The following CNTNAP3B variants were observed in gnomAD, a reference collection of about 807,000 sequenced individuals.
CNTNAP3B encodes contactin-associated protein-like 3B.
Under a neutral mutation model 108.9 loss-of-function variants are expected in CNTNAP3B, and 25 were observed. The observed-to-expected ratio is 0.23, with a 90% CI of 0.17 to 0.32. The LOEUF (loss-of-function observed/expected upper bound fraction) is 0.32, where lower values mean the gene tolerates loss of function less well. CNTNAP3B is among the 10% of genes least tolerant of loss of function. The pLI, the probability that CNTNAP3B is intolerant of heterozygous loss-of-function variation, is 1.00. For missense variants in CNTNAP3B, 252 were observed against 1,210.4 expected, an observed-to-expected ratio of 0.21 and a Z score of 11.75; for synonymous variants, 103 against 473.4, an observed-to-expected ratio of 0.22 and a Z score of 10.16.
intron 18 of CNTNAP3B, among the ~76,000 whole-genome samples, chr9:41,919,157 C>A (rs1201730849): frequency 2.6e-5 from 4 of 151,976 alleles, no homozygotes; most frequent in African/African-American, 9.7e-5. Flanking sequence ...TTCCCCAAGA[C>A]GGAGTCTCAC....
intron 13 of CNTNAP3B, among the ~76,000 whole-genome samples, chr9:41,940,196 G>A (rs1278383213): frequency 1.3e-5 from 2 of 152,286 alleles, no homozygotes; most frequent in Admixed American, 6.5e-5. Context: ...AAAAAATACT[G>A]GCTGTAAACT....
chr9:42,107,741 C>G (rs1828110127), intron 1 of CNTNAP3B, among the ~76,000 whole-genome samples: 1 of 137,670 alleles, frequency 7.3e-6, no homozygotes, highest in Non-Finnish European at 1.5e-5. Flanking sequence ...TTTGGGAGAC[C>G]AAGGCGGGTG....
At chr9:42,045,831 G>T in intron 3 of CNTNAP3B, among the ~76,000 whole-genome samples, 1 of 116,366 alleles carries the variant, frequency 8.6e-6, no homozygotes, top group Non-Finnish European at 1.8e-5. Context: ...ATCTCGGTGG[G>T]GCTCAGACTT....
At chr9:41,940,605 G>A (rs1388053011) in intron 13 of CNTNAP3B, among the ~76,000 whole-genome samples, 4 of 152,282 alleles carry the variant, frequency 2.6e-5, no homozygotes, top group Admixed American at 6.5e-5. Flanking sequence ...GGATCACGAG[G>A]TCAGATCGAG....
At chr9:42,103,600 T>G (rs1587274285) in intron 2 of CNTNAP3B, among the ~76,000 whole-genome samples, 1 of 109,186 alleles carries the variant, frequency 9.2e-6, no homozygotes, top group African/African-American at 3.7e-5. Flanking sequence ...TCAGGCCTGG[T>G]GGCGGGTGCC....
At chr9:42,099,260 G>A (rs1350063971) in intron 2 of CNTNAP3B, among the ~76,000 whole-genome samples, 2 of 123,418 alleles carry the variant, frequency 1.6e-5, no homozygotes, top group African/African-American at 6.6e-5. Context: ...GCAGCATAAT[G>A]GCCTCATTAG....
At chr9:41,973,099 T>A (rs2118274349) in intron 9 of CNTNAP3B, among the ~76,000 whole-genome samples, 2 of 137,954 alleles carry the variant, frequency 1.4e-5, no homozygotes, top group East Asian at 2.2e-4. Flanking sequence ...CACCATGCCC[T>A]GCTAATTTTT....
intron 15 of CNTNAP3B, among the ~76,000 whole-genome samples, chr9:41,927,618 A>G (rs1331047179): frequency 1.3e-5 from 2 of 150,850 alleles, no homozygotes; most frequent in Non-Finnish European, 3.0e-5. Flanking sequence ...GAACACAAGG[A>G]AAGAAAAATT....
chr9:41,943,889 C>T lies in CNTNAP3B; in HGVS notation c.2081-5489G>A, dbSNP rs562702112. On this transcript the variant is annotated intron_variant, in intron 13 of 23. Transcript: ENST00000377561. ...TATTCAAATTGCAAAAAATTGAAGACTTTCTTAAAATTAAAATAAAATCTT... is the reference window on the plus strand; with the variant it reads ...TATTCAAATTGCAAAAAATTGAAGATTTTCTTAAAATTAAAATAAAATCTT... 9.8e-5 allele frequency among the ~76,000 whole-genome samples: 15 copies of T among 152,384 alleles called. No individual in the cohort carries two copies. In the South Asian group the frequency reaches 2.9e-3, roughly 29 times the overall value.
Position 42,125,865 on chromosome 9 carries a change from G to A in CNTNAP3B, c.85+3145C>T, listed in dbSNP as rs1208579700. 2.9e-4 allele frequency among the ~76,000 whole-genome samples: 37 copies of A among 126,958 alleles called. 4 individuals carry two copies. The highest frequency in any genetic ancestry group is 5.6e-4 in the Non-Finnish European group (34 of 60,766). 83.3% of individuals were successfully genotyped at this position (126,958 alleles called of 152,430 possible). A position where few individuals can be genotyped will look rare whatever the true frequency, so the allele number is the denominator to read the frequency against. ...ACTCCCGACCTCAAGTGATCCACCC[G>A]CCTCAGCCTCCCAAAGTGCTGAGAT... On this transcript the variant is annotated intron_variant, in intron 1 of 23. Transcript: ENST00000377561.
chr9:41,917,941 CT>C (rs1823563201), intron 18 of CNTNAP3B, among the ~76,000 whole-genome samples: 1 of 152,312 alleles, frequency 6.6e-6, no homozygotes, highest in African/African-American at 2.4e-5. Context: ...AGGGTCTTGG[CT>C]TAAATGCCTC....
intron 3 of CNTNAP3B, among the ~76,000 whole-genome samples, chr9:42,032,781 G>T (rs2118486302): frequency 7.3e-6 from 1 of 137,810 alleles, no homozygotes; most frequent in Non-Finnish European, 1.6e-5. Flanking sequence ...AGCTCTGGAG[G>T]CTGGGAAGGC....
intron 2 of CNTNAP3B, among the ~76,000 whole-genome samples, chr9:42,088,362 G>T (rs1306741258): frequency 1.5e-5 from 2 of 134,980 alleles, no homozygotes; most frequent in Non-Finnish European, 3.1e-5. Flanking sequence ...TGACCCAAGA[G>T]AATCAGACCA....
rs1827212797 is a variant in CNTNAP3B, at chr9:42,063,636, C to CG, written c.390+13232_390+13233insC. Reference sequence around the variant, plus strand: ...TGATAAAACTTTTTCTGCCTGCCTTCCTGCCTGCCTTTTTTCCTTCCTTCC... The same window carrying CG: ...TGATAAAACTTTTTCTGCCTGCCTTCGCTGCCTGCCTTTTTTCCTTCCTTCC... On this transcript the variant is annotated intron_variant, in intron 3 of 23. Coordinates refer to ENST00000377561, the MANE Select transcript of CNTNAP3B (RefSeq NM_001201380.3). Among the ~76,000 whole-genome samples, 88 of 136,904 alleles carry CG rather than the reference C, an allele frequency of 6.4e-4. 1 individual carries two copies. Among genetic ancestry groups the CG allele is most frequent in the African/African-American group, 2.6e-3 (87 of 34,072 alleles). The allele number at this position is 136,904 out of a possible 152,430, so 89.8% of individuals were successfully genotyped here.
intron 2 of CNTNAP3B, among the ~76,000 whole-genome samples, chr9:42,090,971 TATACAC>T (rs1452067067): frequency 1.4e-4 from 6 of 41,754 alleles, no homozygotes; most frequent in East Asian, 1.5e-3. Flanking sequence ...AATATATATA[TATACAC>T]ACACACACAC....
chr9:41,950,170 A>G (rs1443348304), intron 13 of CNTNAP3B, among the ~76,000 whole-genome samples: 7 of 97,620 alleles, frequency 7.2e-5, no homozygotes, highest in Non-Finnish European at 1.1e-4. Flanking sequence ...TCAGGGAGAC[A>G]CAAATTAAAA....
chr9:42,090,950 G>T (rs1827809823), intron 2 of CNTNAP3B, among the ~76,000 whole-genome samples: 1 of 47,738 alleles, frequency 2.1e-5, no homozygotes, highest in Non-Finnish European at 4.1e-5. Flanking sequence ...AGTACACACT[G>T]ACTCTCTCTA....
chr9:41,949,419 A>G (rs1824614152), intron 13 of CNTNAP3B, among the ~76,000 whole-genome samples: 1 of 98,346 alleles, frequency 1.0e-5, no homozygotes, highest in African/African-American at 3.9e-5. Flanking sequence ...AGAATGAGGC[A>G]AGCTACAGAC....
chr9:42,036,163 C>T (rs1826625268), intron 3 of CNTNAP3B, among the ~76,000 whole-genome samples: 1 of 149,142 alleles, frequency 6.7e-6, no homozygotes, highest in African/African-American at 2.5e-5. Context: ...ATTTTGGTTT[C>T]TAAAAGCATG....
Sources: gnomAD v4.1 joint callset for allele counts (sites outside exome capture counted in the v4.1 genomes callset) on GRCh38, gnomAD v4.1.1 for gene constraint, MANE v1.5 for transcripts, NCBI Gene and HGNC (gene_info 2026-07-23, HGNC 2026-07-21) for gene names.